The following RYR3 variants were observed in gnomAD, a reference collection of about 807,000 sequenced individuals.
RYR3 encodes the protein ryanodine receptor 3.
RYR3 carries 207 observed loss-of-function variants against 584.3 expected under a neutral mutation model. That is an observed-to-expected ratio of 0.35 (90% CI 0.32 to 0.40). The LOEUF (loss-of-function observed/expected upper bound fraction) is 0.40. Ranked by LOEUF, RYR3 falls within the 10% of genes least tolerant of loss-of-function variation. The pLI is 1.00. For synonymous variants in RYR3, 2,416 were observed against 2,248.5 expected (o/e 1.07, Z -2.11); for missense variants, 5,616 against 6,089.2 (o/e 0.92, Z 2.59).
intron 69 of RYR3, among the ~76,000 whole-genome samples, chr15:33,804,270 G>A (rs2076067480): frequency 6.6e-6 from 1 of 152,192 alleles, no homozygotes; most frequent in Non-Finnish European, 1.5e-5. Context: ...ACAACTTAAC[G>A]AATGGATGAG....
chr15:33,750,236 G>A lies in RYR3; in HGVS notation c.8349G>A (p.Lys2783=). 4 of 1,610,314 alleles carry A rather than the reference G, an allele frequency of 2.5e-6. No individual in the cohort carries two copies. The Admixed American group carries it at 6.7e-5, about 27-fold the overall frequency. Residue 2783 remains lysine, a synonymous_variant, in exon 57 of 104, where the codon AAG becomes AAA. Transcript: ENST00000634891. The part of the protein sequence containing the change: ...TAKEKFKDRE[K]AQDLFKFLQV... ...AGGAAAAGTTCAAGGACCGGGAGAA[G>A]GCACAGGACCTGTTTAAGTTCCTCC...
At chr15:33,741,242 G>A (rs1442884603) in intron 51 of RYR3, among the ~76,000 whole-genome samples, 2 of 152,102 alleles carry the variant, frequency 1.3e-5, no homozygotes, top group East Asian at 3.9e-4. Context: ...AAGAATATGG[G>A]GTCATTATCA....
chr15:33,857,961 C>T (rs565442588), intron 99 of RYR3, 47 bp downstream of exon 99: 3 of 1,600,852 alleles, frequency 1.9e-6, no homozygotes, highest in Non-Finnish European at 2.6e-6. Flanking sequence ...TGCGGGGCCA[C>T]CCCGCCCCAC....
At chr15:33,473,134 T>A (rs1271857515) in intron 1 of RYR3, among the ~76,000 whole-genome samples, 1 of 152,210 alleles carries the variant, frequency 6.6e-6, no homozygotes, top group Admixed American at 6.5e-5. Flanking sequence ...TCAGCTCACC[T>A]AGACCATATG....
intron 38 of RYR3, among the ~76,000 whole-genome samples, chr15:33,690,044 C>G (rs938834692): frequency 6.6e-6 from 1 of 152,190 alleles, no homozygotes; most frequent in African/African-American, 2.4e-5. Flanking sequence ...AATTGGTGTA[C>G]GTCCTGAGTC....
In RYR3 at chr15:33,562,900, A is replaced by G; in HGVS notation, c.1036A>G (p.Ile346Val). The change falls in exon 11 of 104, where the codon ATC becomes GTC. Residue 346 changes from isoleucine to valine, a missense_variant. By Grantham distance (29) the Ile-to-Val change is conservative. Coordinates refer to ENST00000634891, the MANE Select transcript of RYR3 (RefSeq NM_001036.6). ...CATAGAAGGCATGGGAGTTCCAGAA[A>G]TCAAGTATGGAGATTCTGTCTGCTT... ...RDIEGMGVPE[I>V]KYGDSVCFVQ... The G allele has an allele frequency of 6.2e-7, 1 of 1,613,696 alleles. No individual in the cohort carries two copies.
intron 1 of RYR3, among the ~76,000 whole-genome samples, chr15:33,438,290 A>G (rs1360163658): frequency 6.6e-6 from 1 of 152,012 alleles, no homozygotes; most frequent in Admixed American, 6.6e-5. Flanking sequence ...TGTAACCAGC[A>G]TCTCCCATTC....
intron 69 of RYR3, among the ~76,000 whole-genome samples, chr15:33,806,836 C>G (rs984478769): frequency 1.3e-5 from 2 of 151,588 alleles, no homozygotes; most frequent in African/African-American, 2.4e-5. Context: ...TCACTGCAGC[C>G]TTGAACTCTT....
chr15:33,370,734 C>A (rs1216872354), intron 1 of RYR3, among the ~76,000 whole-genome samples: 1 of 152,080 alleles, frequency 6.6e-6, no homozygotes, highest in Non-Finnish European at 1.5e-5. Context: ...CCAGATGAAC[C>A]AGGAAGAAAC....
chr15:33,522,883 A>G (rs1398857144), intron 3 of RYR3, among the ~76,000 whole-genome samples: 2 of 152,128 alleles, frequency 1.3e-5, no homozygotes, highest in Admixed American at 1.3e-4. Context: ...ACTACCACAA[A>G]ATCCTTCATT....
chr15:33,791,835 G>C (rs980394519), intron 67 of RYR3, among the ~76,000 whole-genome samples: 2 of 152,116 alleles, frequency 1.3e-5, no homozygotes, highest in African/African-American at 2.4e-5. Context: ...TGAAGAGGAG[G>C]ACAGAAAATA....
chr15:33,836,953 G>C lies in RYR3; in HGVS notation c.11616G>C (p.Gln3872His). The C allele has an allele frequency of 6.2e-7, 1 of 1,613,724 alleles. No individual in the cohort carries two copies. The highest frequency in any genetic ancestry group is 8.5e-7 in the Non-Finnish European group (1 of 1,179,838). ...ELLKELLDLL[Q>H]DMVVMLLSLL... ...TGAAGGAACTCTTGGATCTCCTTCA[G>C]GACATGGTGGTGATGCTTCTGTCCC... The change falls in exon 88 of 104, where the codon CAG becomes CAC. Residue 3872 changes from glutamine (Q) to histidine (H), a missense_variant. By Grantham distance (24) the Gln-to-His change is conservative. Transcript: ENST00000634891.
chr15:33,343,803 CTTATTTGGCCTAT>C (rs1280758650), intron 1 of RYR3, among the ~76,000 whole-genome samples: 1 of 152,164 alleles, frequency 6.6e-6, no homozygotes, highest in Non-Finnish European at 1.5e-5. Flanking sequence ...CAGACTTTTG[CTTATTTGGCCTAT>C]TTATTTGGCC....
chr15:33,708,392 C>G (rs1233036302), intron 43 of RYR3, among the ~76,000 whole-genome samples: 1 of 152,194 alleles, frequency 6.6e-6, no homozygotes, highest in African/African-American at 2.4e-5. Flanking sequence ...ATGAGACCAT[C>G]TACCTGGATC....
At chr15:33,431,993 G>A (rs2045195853) in intron 1 of RYR3, among the ~76,000 whole-genome samples, 1 of 152,126 alleles carries the variant, frequency 6.6e-6, no homozygotes, top group Non-Finnish European at 1.5e-5. Context: ...GGAGTAGATA[G>A]GAATTATTTC....
At chr15:33,626,454 T>G (rs75687107) in intron 20 of RYR3, among the ~76,000 whole-genome samples, 2 of 152,254 alleles carry the variant, frequency 1.3e-5, no homozygotes, top group East Asian at 3.9e-4. Flanking sequence ...TTTGAAAAAT[T>G]TGTAGCCTAA....
At chr15:33,791,446 A>G (rs979575222) in intron 67 of RYR3, among the ~76,000 whole-genome samples, 2 of 151,806 alleles carry the variant, frequency 1.3e-5, no homozygotes, top group Non-Finnish European at 2.9e-5. Flanking sequence ...GATTGCTTTT[A>G]TTTTCTCAGT....
chr15:33,570,102 T>C (rs1373760664), intron 12 of RYR3, among the ~76,000 whole-genome samples: 1 of 152,168 alleles, frequency 6.6e-6, no homozygotes, highest in Non-Finnish European at 1.5e-5. Context: ...CAGTTTAACA[T>C]ATTTATGGAT....
intron 60 of RYR3, among the ~76,000 whole-genome samples, chr15:33,768,003 G>C (rs190497425): frequency 2.5e-4 from 38 of 152,178 alleles, no homozygotes; most frequent in African/African-American, 8.4e-4. Flanking sequence ...GAAAATATGG[G>C]TGAAAGCATA....
Sources: allele counts gnomAD v4.1 joint callset (sites outside exome capture counted in the v4.1 genomes callset), GRCh38; gene constraint gnomAD v4.1.1; transcripts MANE v1.5; gene names NCBI Gene and HGNC (gene_info 2026-07-23, HGNC 2026-07-21).